NDUFS1: variants seen among roughly 807,000 people sequenced by gnomAD.
NDUFS1 encodes the protein NADH:ubiquinone oxidoreductase core subunit S1.
Under a neutral mutation model 84.4 loss-of-function variants are expected in NDUFS1, and 61 were observed. The observed-to-expected ratio is 0.72, with a 90% CI of 0.59 to 0.89. The LOEUF is 0.89. Ranked by LOEUF, NDUFS1 falls within the 40% of genes least tolerant of loss-of-function variation. NDUFS1 has a pLI of 0.00. For synonymous variants in NDUFS1, 275 were observed against 290.0 expected, an observed-to-expected ratio of 0.95 and a Z score of 0.53; for missense variants, 891 against 890.0, an observed-to-expected ratio of 1.00 and a Z score of -0.01.
Position 206,115,686 on chromosome 2 carries a change from GC to G in NDUFS1, c.*8498del. On this transcript the variant is annotated 3_prime_UTR_variant, in exon 19 of 19. Transcript: ENST00000233190. ...TTGTTCTTCATCTGACACTGTACAA[GC>G]AACAAAAACTTCTTCACTCCCAGTT... The G allele has an allele frequency of 2.5e-6, 1 of 399,090 alleles. No homozygotes were observed. The highest frequency in any genetic ancestry group is 8.4e-4 in the Middle Eastern group (1 of 1,194). The allele number at this position is 399,090 out of a possible 1,614,324, so 24.7% of individuals were successfully genotyped here.
intron 13 of NDUFS1, among the ~76,000 whole-genome samples, chr2:206,137,393 C>T (rs745447112): frequency 4.0e-5 from 6 of 151,700 alleles, no homozygotes; most frequent in Non-Finnish European, 7.4e-5. Flanking sequence ...AGAATGAACC[C>T]GGGAGGCAGA....
At chr2:206,159,134 C>T in intron 1 of NDUFS1, 1 of 1,535,736 alleles carries the variant, frequency 6.5e-7, no homozygotes, top group Non-Finnish European at 8.7e-7. Context: ...TGATCCTCAT[C>T]TTCTTTTCTG....
rs765624906 is a variant in NDUFS1 at position 206,124,139 on chromosome 2, T to G, written c.*46A>C. The G allele has an allele frequency of 8.4e-7, 1 of 1,193,898 alleles. No homozygotes were observed. The highest frequency in any genetic ancestry group is 1.5e-5 in the African/African-American group (1 of 66,602). The allele number at this position is 1,193,898 out of a possible 1,614,324, so 74.0% of individuals were successfully genotyped here. A position where few individuals can be genotyped will look rare whatever the true frequency, so the allele number is the denominator to read the frequency against. ...CCTGTAAAGGATCACTGCACTACAGTTGTCCATTAATTATCTGCGGCAAAA... is the reference window on the plus strand; with the variant it reads ...CCTGTAAAGGATCACTGCACTACAGGTGTCCATTAATTATCTGCGGCAAAA... On this transcript the variant is annotated 3_prime_UTR_variant, in exon 19 of 19. Transcript: ENST00000233190.
intron 1 of NDUFS1, chr2:206,159,018 G>T: frequency 6.8e-7 from 1 of 1,463,604 alleles, no homozygotes; most frequent in African/African-American, 1.4e-5. Context: ...CCTCTCCCGG[G>T]GAATAAAACG....
chr2:206,152,760 AG>A (rs1310709998), intron 2 of NDUFS1, among the ~76,000 whole-genome samples: 1 of 143,622 alleles, frequency 7.0e-6, no homozygotes, highest in Non-Finnish European at 1.5e-5. Context: ...GCTGGAGTGC[AG>A]TGGCGCCATC....
intron 14 of NDUFS1, among the ~76,000 whole-genome samples, chr2:206,132,180 C>A (rs1308402269): frequency 6.6e-6 from 1 of 151,788 alleles, no homozygotes; most frequent in Non-Finnish European, 1.5e-5. Context: ...GAAGAAAATG[C>A]ATGAAAATAG....
At chr2:206,125,399 T>C (rs1046211463) in intron 18 of NDUFS1, among the ~76,000 whole-genome samples, 1 of 151,784 alleles carries the variant, frequency 6.6e-6, no homozygotes, top group Non-Finnish European at 1.5e-5. Context: ...GAGGCAGAGG[T>C]TGCAGCAAGC....
At chr2:206,154,900 G>A (rs1687580542) in intron 1 of NDUFS1, among the ~76,000 whole-genome samples, 1 of 150,368 alleles carries the variant, frequency 6.7e-6, no homozygotes, top group Non-Finnish European at 1.5e-5. Flanking sequence ...TGGGGTTAAG[G>A]CGTGAGCCAC....
chr2:206,119,601 CAG>C lies in NDUFS1; in HGVS notation c.*4582_*4583del, dbSNP rs1475994957. On this transcript the variant is annotated 3_prime_UTR_variant, in exon 19 of 19. Coordinates refer to ENST00000233190, the MANE Select transcript of NDUFS1 (RefSeq NM_005006.7). ...GCTAATTTTGTATTTTTAGTAGAGA[CAG>C]AGTTTCACCATGTCGGACAGGCTGG... The C allele has an allele frequency of 1.3e-5, 2 of 151,920 alleles. No homozygotes were observed. Among genetic ancestry groups the C allele is most frequent in the Non-Finnish European group, 1.5e-5 (1 of 68,006 alleles). 9.4% of individuals were successfully genotyped at this position (151,920 alleles called of 1,614,324 possible).
intron 3 of NDUFS1, among the ~76,000 whole-genome samples, chr2:206,151,809 A>G (rs1318481096): frequency 6.6e-6 from 1 of 152,200 alleles, no homozygotes; most frequent in Non-Finnish European, 1.5e-5. Context: ...GCCCACAACA[A>G]ATGGAGGTTA....
rs759215077 is a variant in NDUFS1, at chr2:206,141,176, G to C, written c.1262+765C>G. 4.9e-4 allele frequency among the ~76,000 whole-genome samples: 74 copies of C among 152,206 alleles called. 1 individual carries two copies. The highest frequency in any genetic ancestry group is 1.0e-3 in the Non-Finnish European group (70 of 68,016). On this transcript the variant is annotated intron_variant, in intron 12 of 18. Coordinates refer to ENST00000233190, the MANE Select transcript of NDUFS1 (RefSeq NM_005006.7). Reference sequence around the variant, plus strand: ...CATGCCTGTAATCCCAGTACTTTGGGAGGCCAAGGTGGGAGGATGGCCTGA... The same window carrying C: ...CATGCCTGTAATCCCAGTACTTTGGCAGGCCAAGGTGGGAGGATGGCCTGA...
Position 206,127,894 on chromosome 2 carries a change from T to C in NDUFS1, c.1787A>G (p.Tyr596Cys), listed in dbSNP as rs747439898. The change falls in exon 16 of 19, where the codon TAT becomes TGT. Residue 596 changes from tyrosine to cysteine, a missense_variant. Tyr to Cys is a radical substitution (Grantham distance 194, BLOSUM62 -2). Coordinates refer to ENST00000233190, the MANE Select transcript of NDUFS1 (RefSeq NM_005006.7). ...GAAYTEKSAT[Y>C]VNTEGRAQQT... ...CTGAGCTCTACCCTCAGTGTTGACA[T>C]ATGTAGCAGACTTCTCTGTGTAAGC... is the stretch of plus-strand genomic sequence containing the variant. 3 of 1,614,170 alleles carry C rather than the reference T, an allele frequency of 1.9e-6. No homozygotes were observed. The Admixed American group carries it at 5.0e-5, about 27-fold the overall frequency.
chr2:206,148,990 A>C (rs1339662078), intron 5 of NDUFS1, 30 bp downstream of exon 5: 3 of 1,493,118 alleles, frequency 2.0e-6, no homozygotes, highest in Non-Finnish European at 2.8e-6. Flanking sequence ...GCTTTATGAA[A>C]GGGTACTACA....
At chr2:206,142,585 A>C (rs933118020) in intron 11 of NDUFS1, 101 bp downstream of exon 11, 1 of 1,439,598 alleles carries the variant, frequency 6.9e-7, no homozygotes, top group Non-Finnish European at 9.7e-7. Flanking sequence ...TATGAAAATA[A>C]ACTGGGGGAT....
intron 1 of NDUFS1, 87 bp from the exon 2 acceptor site, chr2:206,153,769 C>T (rs1692465896): frequency 2.7e-6 from 2 of 730,544 alleles, no homozygotes; most frequent in Non-Finnish European, 4.7e-6. Context: ...TAAATTATTT[C>T]ACATACATTA....
At position 206,120,542 on chromosome 2, in the gene NDUFS1, T is replaced by C. The variant is rs971873509; in HGVS notation, c.*3643A>G. On this transcript the variant is annotated 3_prime_UTR_variant, in exon 19 of 19. Coordinates refer to ENST00000233190, the MANE Select transcript of NDUFS1 (RefSeq NM_005006.7). ...TGCTTTAGCAAATAGCTTGGGTGCA[T>C]TGTGTCCAGGCCCTAGGAATCTGTG... The C allele has an allele frequency of 6.6e-6, 1 of 152,174 alleles. No individual in the cohort carries two copies. Among genetic ancestry groups the C allele is most frequent in the East Asian group, 1.9e-4 (1 of 5,202 alleles). The allele number at this position is 152,174 out of a possible 1,614,324, so 9.4% of individuals were successfully genotyped here. A position where few individuals can be genotyped will look rare whatever the true frequency, so the allele number is the denominator to read the frequency against.
chr2:206,140,321 C>T (rs1691887343), intron 12 of NDUFS1, among the ~76,000 whole-genome samples: 1 of 151,954 alleles, frequency 6.6e-6, no homozygotes, highest in Admixed American at 6.6e-5. Flanking sequence ...TATACCTTAG[C>T]CTGTGTGGCA....
At position 206,145,102 on chromosome 2, in the gene NDUFS1, A is replaced by T. The variant is rs577946818; in HGVS notation, c.738-76T>A. The stretch of plus-strand genomic sequence containing the variant: ...TTTCTGTTACCTGGTTTACCAAAAA[A>T]TTTTTTTTACAATTAATTCCCTTTC... On this transcript the variant is annotated intron_variant, in intron 8 of 18. Coordinates refer to ENST00000233190, the MANE Select transcript of NDUFS1 (RefSeq NM_005006.7). 141 of 1,449,618 alleles carry T rather than the reference A, an allele frequency of 9.7e-5. No individual in the cohort carries two copies. In the African/African-American group the frequency reaches 1.3e-3, roughly 14 times the overall value. 89.8% of individuals were successfully genotyped at this position (1,449,618 alleles called of 1,614,324 possible).
chr2:206,127,300 G>A (rs13393532), intron 16 of NDUFS1, among the ~76,000 whole-genome samples: 3,411 of 152,244 alleles, frequency 0.022, 126 homozygotes, highest in African/African-American at 0.078. Context: ...TCGGGAGACC[G>A]AGGTGGGAGG....
Sources: allele counts gnomAD v4.1 joint callset (sites outside exome capture counted in the v4.1 genomes callset), GRCh38; gene constraint gnomAD v4.1.1; transcripts MANE v1.5; gene names NCBI Gene and HGNC (gene_info 2026-07-23, HGNC 2026-07-21).